Variants in SHISA9 observed in about 807,000 individuals in gnomAD.
The protein encoded by SHISA9 is protein shisa-9.
SHISA9 carries 13 observed loss-of-function variants against 38.0 expected under a neutral mutation model. The observed-to-expected ratio is 0.34, with a 90% CI of 0.22 to 0.54. The LOEUF (loss-of-function observed/expected upper bound fraction) is 0.54, where lower values mean the gene tolerates loss of function less well. SHISA9 is among the 20% of genes least tolerant of loss of function. SHISA9 has a pLI of 0.91. For missense variants in SHISA9, 538 were observed against 575.8 expected (o/e 0.93, Z 0.67); for synonymous variants, 275 against 242.0 (o/e 1.14, Z -1.27).
At chr16:13,434,528 C>T in the SHISA9 span, among the ~76,000 whole-genome samples, 1 of 151,202 alleles carries the variant, frequency 6.6e-6, no homozygotes, top group Non-Finnish European at 1.5e-5. Context: ...CACCATTCTC[C>T]TGCCTCAGCC....
intron 2 of SHISA9, among the ~76,000 whole-genome samples, chr16:13,063,879 C>T (rs984150909): frequency 6.6e-6 from 1 of 152,192 alleles, no homozygotes; most frequent in African/African-American, 2.4e-5. Flanking sequence ...AGCCCTAACC[C>T]ATTCTGACAG....
At chr16:13,384,902 GA>G in the SHISA9 span, among the ~76,000 whole-genome samples, 2 of 152,168 alleles carry the variant, frequency 1.3e-5, no homozygotes, top group Non-Finnish European at 2.9e-5. Context: ...CAAACTGGGA[GA>G]AAATATTTGA....
intron 2 of SHISA9, among the ~76,000 whole-genome samples, chr16:13,154,859 G>A (rs940021943): frequency 6.6e-6 from 1 of 152,182 alleles, no homozygotes; most frequent in African/African-American, 2.4e-5. Flanking sequence ...CGGTTACGTG[G>A]TTGTTCTCAG....
the SHISA9 span, among the ~76,000 whole-genome samples, chr16:13,360,898 G>T: frequency 1.3e-5 from 2 of 152,096 alleles, no homozygotes; most frequent in Non-Finnish European, 2.9e-5. Flanking sequence ...ATCTCTGGTT[G>T]CCCATAGTAG....
chr16:12,971,282 G>A (rs1032403568), intron 2 of SHISA9, among the ~76,000 whole-genome samples: 5 of 152,184 alleles, frequency 3.3e-5, no homozygotes, highest in Non-Finnish European at 5.9e-5. Context: ...CTGTTTCCTA[G>A]GGCTGTCTAG....
chr16:12,990,794 T>C (rs1596568520), intron 2 of SHISA9, among the ~76,000 whole-genome samples: 1 of 152,206 alleles, frequency 6.6e-6, no homozygotes. Flanking sequence ...GTACTGTGGT[T>C]GAGAAACCCC....
At chr16:13,249,639 T>C in the SHISA9 span, among the ~76,000 whole-genome samples, 1 of 152,192 alleles carries the variant, frequency 6.6e-6, no homozygotes, top group Non-Finnish European at 1.5e-5. Context: ...TCTCTTTCTC[T>C]GTTTCCTTCT....
intron 2 of SHISA9, among the ~76,000 whole-genome samples, chr16:13,087,781 G>T (rs1369218669): frequency 6.6e-6 from 1 of 152,186 alleles, no homozygotes; most frequent in African/African-American, 2.4e-5. Context: ...TAGGTTGCCT[G>T]TTCACTCTGA....
chr16:13,265,875 A>G, the SHISA9 span, among the ~76,000 whole-genome samples: 86 of 152,320 alleles, frequency 5.6e-4, no homozygotes, highest in African/African-American at 1.9e-3. Context: ...TAATGTGCCA[A>G]CATCCCAAGT....
chr16:13,289,556 A>C, the SHISA9 span, among the ~76,000 whole-genome samples: 1 of 152,108 alleles, frequency 6.6e-6, no homozygotes. Context: ...AAAAACCCCA[A>C]GAGGATCAGA....
At chr16:13,353,136 G>A in the SHISA9 span, among the ~76,000 whole-genome samples, 15 of 152,232 alleles carry the variant, frequency 9.9e-5, no homozygotes, top group African/African-American at 3.4e-4. Flanking sequence ...TGCTTCAAGC[G>A]GGATTGGGGG....
chr16:13,240,739 A>C (rs2051428958), downstream of SHISA9, among the ~76,000 whole-genome samples: 1 of 152,212 alleles, frequency 6.6e-6, no homozygotes, highest in Non-Finnish European at 1.5e-5. Flanking sequence ...TTTGAACTTT[A>C]GTTTTGAACG....
the SHISA9 span, chr16:13,458,421 C>A: frequency 2.5e-6 from 1 of 395,248 alleles, no homozygotes. Context: ...CAGGGTCAAG[C>A]ATTACTGAAA....
chr16:13,353,260 C>T, the SHISA9 span, among the ~76,000 whole-genome samples: 3 of 151,894 alleles, frequency 2.0e-5, no homozygotes, highest in Non-Finnish European at 2.9e-5. Flanking sequence ...TTGGTGATGG[C>T]CTGGATACGG....
chr16:13,117,432 G>C (rs554957272), intron 2 of SHISA9, among the ~76,000 whole-genome samples: 2,195 of 152,266 alleles, frequency 0.014, 46 homozygotes, highest in African/African-American at 0.048. Context: ...CCTAATCCTG[G>C]AACTTGTGCC....
intron 4 of SHISA9, 51 bp downstream of exon 4, chr16:13,213,351 C>G: frequency 6.6e-7 from 1 of 1,510,588 alleles, no homozygotes. Flanking sequence ...TCAAAGTTAG[C>G]ATTAAATAAT....
At chr16:13,450,602 C>T in the SHISA9 span, among the ~76,000 whole-genome samples, 404 of 152,270 alleles carry the variant, frequency 2.7e-3, 1 homozygote, top group African/African-American at 7.7e-3. Flanking sequence ...CAATTATAAA[C>T]GATACACACT....
At chr16:13,107,388 T>C (rs1202436854) in intron 2 of SHISA9, among the ~76,000 whole-genome samples, 1 of 151,600 alleles carries the variant, frequency 6.6e-6, no homozygotes, top group Non-Finnish European at 1.5e-5. Flanking sequence ...TGAGCCGAGA[T>C]TGCACTATTG....
chr16:13,323,139 A>G, the SHISA9 span, among the ~76,000 whole-genome samples: 2 of 150,984 alleles, frequency 1.3e-5, no homozygotes, highest in Non-Finnish European at 3.0e-5. Flanking sequence ...TGGTAAGACA[A>G]TTAAAGGAGG....
Sources: allele counts gnomAD v4.1 joint callset (sites outside exome capture counted in the v4.1 genomes callset), GRCh38; gene constraint gnomAD v4.1.1; transcripts MANE v1.5; gene names NCBI Gene and HGNC (gene_info 2026-07-23, HGNC 2026-07-21).